RBM25: variants seen among roughly 807,000 people sequenced by gnomAD.
RBM25 encodes the protein RNA-binding protein 25.
Under a neutral mutation model 120.7 loss-of-function variants are expected in RBM25, and 19 were observed. The observed-to-expected ratio is 0.16, with a 90% CI of 0.11 to 0.23. RBM25 has a LOEUF of 0.23. Ranked by LOEUF, RBM25 falls within the 10% of genes least tolerant of loss-of-function variation. The pLI, the probability that RBM25 is intolerant of heterozygous loss-of-function variation, is 1.00. For synonymous variants in RBM25, 390 were observed against 326.7 expected (o/e 1.19, Z -2.09); for missense variants, 605 against 1,041.5 (o/e 0.58, Z 5.77).
In RBM25 at chr14:73,060,586, A is replaced by G. The variant is rs572000265; in HGVS notation, c.-16+1881A>G. Among the ~76,000 whole-genome samples, 5 of 151,590 alleles carry G rather than the reference A, an allele frequency of 3.3e-5. No individual in the cohort carries two copies. In the South Asian group the frequency reaches 1.0e-3, roughly 31 times the overall value. ...TAGAGATCTCTTGATTGACTTTTCA[A>G]ACACTATCACTGCCATTCACAAAAG... On this transcript the variant is annotated intron_variant, in intron 1 of 18. Coordinates refer to ENST00000261973, the MANE Select transcript of RBM25 (RefSeq NM_021239.3).
intron 6 of RBM25, among the ~76,000 whole-genome samples, chr14:73,094,837 G>GTC (rs1450993460): frequency 7.6e-6 from 1 of 131,470 alleles, no homozygotes; most frequent in African/African-American, 2.6e-5. Context: ...GTGTGTGTGT[G>GTC]TGTGTCTGTG....
In RBM25 at chr14:73,077,385, T is replaced by G; in HGVS notation, c.173T>G (p.Val58Gly). The G allele has an allele frequency of 6.2e-7, 1 of 1,611,906 alleles. No individual in the cohort carries two copies. The highest frequency in any genetic ancestry group is 2.2e-5 in the East Asian group (1 of 44,850). ...APAPTVLVPT[V>G]SMVGKHLGAR... ...TCACCTTAGGTCTTAGTACCCACTGTGTCTATGGTTGGAAAGCATTTGGGC... is the reference window on the plus strand; with the variant it reads ...TCACCTTAGGTCTTAGTACCCACTGGGTCTATGGTTGGAAAGCATTTGGGC... The change falls in exon 4 of 19, where the codon GTG becomes GGG. Residue 58 changes from valine (V) to glycine (G), a missense_variant. By Grantham distance (109) the Val-to-Gly change is moderately radical. Transcript: ENST00000261973.
rs900993052 is a variant in RBM25, at chr14:73,110,928, G to C, written c.1790G>C (p.Arg597Pro). The C allele has an allele frequency of 6.2e-7, 1 of 1,611,906 alleles. No individual in the cohort carries two copies. Among genetic ancestry groups the C allele is most frequent in the Non-Finnish European group, 8.5e-7 (1 of 1,178,868 alleles). ...EEEKQEKEEK[R>P]EEPMEEEEEP... ...GAAAAGCAAGAAAAAGAAGAAAAAC[G>C]AGAAGAACCCATGGAAGAGGAAGAG... The change falls in exon 15 of 19, where the codon CGA (arginine) becomes CCA (proline). Residue 597 changes from arginine to proline, a missense_variant. This residue lies in a region of RBM25 where 465 missense variants were observed against 741.6 expected (regional missense o/e 0.63). Coordinates refer to ENST00000261973, the MANE Select transcript of RBM25 (RefSeq NM_021239.3).
At chr14:73,096,556 C>A (rs1025435831) in intron 6 of RBM25, among the ~76,000 whole-genome samples, 3 of 152,092 alleles carry the variant, frequency 2.0e-5, no homozygotes, top group African/African-American at 7.2e-5. Flanking sequence ...GCCTTTACTA[C>A]GTAACTGAAT....
At chr14:73,060,581 T>A (rs1163213707) in intron 1 of RBM25, among the ~76,000 whole-genome samples, 2 of 151,526 alleles carry the variant, frequency 1.3e-5, no homozygotes, top group Non-Finnish European at 3.0e-5. Flanking sequence ...TTGATTGACT[T>A]TTCAAACACT....
chr14:73,099,485 G>T (rs371375474), intron 8 of RBM25, 52 bp downstream of exon 8: 4 of 1,592,206 alleles, frequency 2.5e-6, no homozygotes, highest in South Asian at 2.3e-5. Context: ...GCTGATTGTT[G>T]ATTTGTCATT....
intron 14 of RBM25, among the ~76,000 whole-genome samples, chr14:73,110,417 CCTT>C (rs1896286516): frequency 6.6e-6 from 1 of 151,228 alleles, no homozygotes; most frequent in Admixed American, 6.6e-5. Flanking sequence ...CTGCCCATGT[CCTT>C]TTTTTTTTCT....
At chr14:73,086,797 C>T (rs1403820014) in intron 5 of RBM25, among the ~76,000 whole-genome samples, 4 of 152,080 alleles carry the variant, frequency 2.6e-5, no homozygotes, top group Admixed American at 6.5e-5. Context: ...TTCTGCCTCC[C>T]GGGTTCAAGC....
At chr14:73,096,661 T>C (rs989473146) in intron 6 of RBM25, among the ~76,000 whole-genome samples, 1 of 152,196 alleles carries the variant, frequency 6.6e-6, no homozygotes, top group Non-Finnish European at 1.5e-5. Context: ...TCGTATAGTG[T>C]GCTAGTCCTG....
chr14:73,112,033 G>C (rs1000912183), intron 16 of RBM25, 119 bp from the exon 17 acceptor site: 1 of 1,098,072 alleles, frequency 9.1e-7, no homozygotes. Context: ...ATACATATCT[G>C]TCTTAGTTCA....
intron 5 of RBM25, among the ~76,000 whole-genome samples, chr14:73,085,592 C>A (rs1337366781): frequency 3.3e-5 from 5 of 151,868 alleles, no homozygotes; most frequent in African/African-American, 1.2e-4. Context: ...TTACAGGCGC[C>A]CACCACCATG....
intron 10 of RBM25, among the ~76,000 whole-genome samples, chr14:73,104,226 A>C (rs1896132358): frequency 6.6e-6 from 1 of 151,852 alleles, no homozygotes. Flanking sequence ...AGCCCCTAGC[A>C]TTTTTATTTG....
chr14:73,099,356 G>T, intron 7 of RBM25, 24 bp from the exon 8 acceptor site: 2 of 1,591,112 alleles, frequency 1.3e-6, no homozygotes, highest in African/African-American at 1.4e-5. Context: ...TTTTAAAAAA[G>T]ATTCTTGGTG....
chr14:73,096,873 T>G lies in RBM25; in HGVS notation c.544-42T>G, dbSNP rs79323036. 1.9e-6 allele frequency: 3 copies of G among 1,554,290 alleles called. No homozygotes were observed. In the African/African-American group the frequency reaches 4.1e-5, roughly 21 times the overall value. On this transcript the variant is annotated intron_variant, in intron 6 of 18. Transcript: ENST00000261973. ...TGTTGTAGAGTGATTTTGATTTTCT[T>G]GCTTGATTTTTCTTTCCCCTGAATT...
At chr14:73,114,430 C>G in intron 18 of RBM25, 97 bp downstream of exon 18, 1 of 841,316 alleles carries the variant, frequency 1.2e-6, no homozygotes, top group Non-Finnish European at 1.8e-6. Context: ...CCACGTTGCC[C>G]AGGGTAGTCT....
chr14:73,065,486 G>A (rs1007934410), intron 1 of RBM25, among the ~76,000 whole-genome samples: 14 of 150,320 alleles, frequency 9.3e-5, no homozygotes, highest in African/African-American at 2.9e-4. Flanking sequence ...GTGCAGTGGC[G>A]CAGTCTTGGC....
chr14:73,094,821 G>A (rs1566593329), intron 6 of RBM25, among the ~76,000 whole-genome samples: 1 of 146,260 alleles, frequency 6.8e-6, no homozygotes, highest in Non-Finnish European at 1.5e-5. Context: ...GTGTGTGTGT[G>A]TGTGTGTGTG....
At chr14:73,097,161 T>C (rs1168410065) in intron 7 of RBM25, 61 bp downstream of exon 7, 4 of 1,043,458 alleles carry the variant, frequency 3.8e-6, no homozygotes, top group East Asian at 3.3e-5. Context: ...ATCACTCTTA[T>C]ACTTTGATTA....
chr14:73,085,846 T>C (rs1441271465), intron 5 of RBM25, among the ~76,000 whole-genome samples: 2 of 152,200 alleles, frequency 1.3e-5, no homozygotes, highest in Non-Finnish European at 2.9e-5. Context: ...AGTGACTGAT[T>C]TTCTTTTTTC....
Sources: allele counts gnomAD v4.1 joint callset (sites outside exome capture counted in the v4.1 genomes callset), GRCh38; gene constraint gnomAD v4.1.1; regional missense constraint gnomAD v4.1.1; transcripts MANE v1.5; gene names NCBI Gene and HGNC (gene_info 2026-07-23, HGNC 2026-07-21).